Variants in MYL4 observed in about 807,000 individuals in gnomAD.
MYL4 encodes the protein myosin light chain 4.
A neutral mutation model predicts 21.6 loss-of-function variants in MYL4; 16 were observed. The observed-to-expected ratio is 0.74, with a 90% CI of 0.50 to 1.12. The LOEUF is 1.12. Ranked by LOEUF, MYL4 falls within the 50% of genes most tolerant of loss-of-function variation. The probability of loss-of-function intolerance (pLI) is 0.00; values close to 1 mark genes in which losing one functional copy is unlikely to be tolerated. For missense variants in MYL4, 249 were observed against 252.9 expected, an observed-to-expected ratio of 0.98 and a Z score of 0.11; for synonymous variants, 82 against 95.7, an observed-to-expected ratio of 0.86 and a Z score of 0.83.
upstream of MYL4, among the ~76,000 whole-genome samples, chr17:47,204,362 T>C (rs1308065054): frequency 6.6e-6 from 1 of 152,240 alleles, no homozygotes; most frequent in Non-Finnish European, 1.5e-5. Flanking sequence ...TCTTGATATT[T>C]TCTCTTTGTA....
chr17:47,193,502 A>C, the MYL4 span, among the ~76,000 whole-genome samples: 1 of 151,818 alleles, frequency 6.6e-6, no homozygotes, highest in Admixed American at 6.6e-5. Context: ...TCTTGACCTC[A>C]AGTGATCTGC....
chr17:47,202,014 C>T (rs1321441143), intron 1 of MYL4, among the ~76,000 whole-genome samples: 2 of 151,980 alleles, frequency 1.3e-5, no homozygotes, highest in Admixed American at 6.5e-5. Flanking sequence ...GAGATGGAGT[C>T]TCATTCTGTC....
intron 1 of MYL4, among the ~76,000 whole-genome samples, chr17:47,201,810 C>T (rs943106464): frequency 4.6e-5 from 7 of 152,112 alleles, no homozygotes; most frequent in African/African-American, 9.7e-5. Flanking sequence ...AAACCACACC[C>T]ACTCTAGGCA....
At chr17:47,212,833 G>C (rs562815829) in intron 1 of MYL4, among the ~76,000 whole-genome samples, 3 of 152,150 alleles carry the variant, frequency 2.0e-5, no homozygotes, top group African/African-American at 7.2e-5. Flanking sequence ...CTTAGTTTCA[G>C]CTTGGTGACA....
At chr17:47,219,601 C>T (rs920239187) in intron 2 of MYL4, among the ~76,000 whole-genome samples, 3 of 151,948 alleles carry the variant, frequency 2.0e-5, no homozygotes, top group African/African-American at 2.4e-5. Flanking sequence ...CTCTGCCTCC[C>T]GAGCTCAAGC....
At chr17:47,223,149 C>G in intron 6 of MYL4, 92 bp downstream of exon 6, 1 of 1,370,512 alleles carries the variant, frequency 7.3e-7, no homozygotes, top group Non-Finnish European at 1.0e-6. Context: ...TGTCCCAGCC[C>G]TGACCCCTTA....
At chr17:47,213,604 A>G (rs527777988) in intron 1 of MYL4, among the ~76,000 whole-genome samples, 195 bp from the exon 2 acceptor site, 10 of 152,200 alleles carry the variant, frequency 6.6e-5, no homozygotes, top group African/African-American at 1.2e-4. Context: ...GGTATTTTAT[A>G]GCCTGTCAGT....
chr17:47,214,266 A>T (rs2064798164), intron 2 of MYL4, among the ~76,000 whole-genome samples: 1 of 152,162 alleles, frequency 6.6e-6, no homozygotes, highest in South Asian at 2.1e-4. Context: ...TCTATCTAAG[A>T]TATTTGGAAG....
chr17:47,212,495 C>A (rs187965641), intron 1 of MYL4, among the ~76,000 whole-genome samples: 34 of 152,288 alleles, frequency 2.2e-4, no homozygotes, highest in Middle Eastern at 3.4e-3. Flanking sequence ...AGGGCCCATG[C>A]CAATTGCTCT....
chr17:47,205,392 C>T (rs2064723647), upstream of MYL4, among the ~76,000 whole-genome samples: 1 of 152,060 alleles, frequency 6.6e-6, no homozygotes, highest in Non-Finnish European at 1.5e-5. Context: ...TGTCATAGGC[C>T]CTGGGAAGGA....
At chr17:47,207,669 A>C (rs2064737303), upstream of MYL4, among the ~76,000 whole-genome samples, 1 of 152,154 alleles carries the variant, frequency 6.6e-6, no homozygotes, top group Non-Finnish European at 1.5e-5. Flanking sequence ...TTTCCTCTGA[A>C]CTGTAGAGTC....
At chr17:47,190,531 C>A in the MYL4 span, among the ~76,000 whole-genome samples, 1 of 152,156 alleles carries the variant, frequency 6.6e-6, no homozygotes, top group South Asian at 2.1e-4. Flanking sequence ...GGAAATTTCC[C>A]TTTGGGTGAT....
At chr17:47,219,521 T>A (rs1198325125) in intron 2 of MYL4, among the ~76,000 whole-genome samples, 1 of 152,052 alleles carries the variant, frequency 6.6e-6, no homozygotes, top group East Asian at 1.9e-4. Flanking sequence ...ATTTTTTTTT[T>A]GTTTCAAGAT....
intron 2 of MYL4, among the ~76,000 whole-genome samples, chr17:47,219,644 T>A (rs2064839802): frequency 6.6e-6 from 1 of 152,080 alleles, no homozygotes; most frequent in Admixed American, 6.6e-5. Context: ...AACACTGGAA[T>A]TTTATAACAA....
rs1371912264 is a variant in MYL4, at chr17:47,219,888, G to C, written c.164-16G>C. ...CACTGGGGATTGGAAGGTATAGCTG[G>C]GTCTTCTCTCCACAGAGTTCAAAGA... On this transcript the variant is annotated splice_polypyrimidine_tract_variant and intron_variant, in intron 2 of 6. Coordinates refer to ENST00000393450, the MANE Select transcript of MYL4 (RefSeq NM_002476.2). 2 of 1,614,194 alleles carry C rather than the reference G, an allele frequency of 1.2e-6. No homozygotes were observed. Among genetic ancestry groups the C allele is most frequent in the Non-Finnish European group, 1.7e-6 (2 of 1,180,024 alleles).
At chr17:47,195,476 G>A (rs916419223), upstream of MYL4, among the ~76,000 whole-genome samples, 1 of 152,058 alleles carries the variant, frequency 6.6e-6, no homozygotes, top group African/African-American at 2.4e-5. Context: ...TGATCTGCCC[G>A]CCTTGGCCTC....
intron 3 of MYL4, 98 bp from the exon 4 acceptor site, chr17:47,221,584 G>A: frequency 7.2e-7 from 1 of 1,387,492 alleles, no homozygotes; most frequent in Non-Finnish European, 9.8e-7. Flanking sequence ...CCAAGCCCTG[G>A]GTGCTGTCAG....
At chr17:47,191,483 T>A in the MYL4 span, among the ~76,000 whole-genome samples, 1 of 152,234 alleles carries the variant, frequency 6.6e-6, no homozygotes. Flanking sequence ...ACATTTTTTT[T>A]TTCCGAGACT....
At chr17:47,192,225 A>T in the MYL4 span, among the ~76,000 whole-genome samples, 1 of 151,768 alleles carries the variant, frequency 6.6e-6, no homozygotes. Context: ...GTGGTGGCAC[A>T]TGCCTGTAAT....
Sources: allele counts gnomAD v4.1 joint callset (sites outside exome capture counted in the v4.1 genomes callset), GRCh38; gene constraint gnomAD v4.1.1; transcripts MANE v1.5; gene names NCBI Gene and HGNC (gene_info 2026-07-23, HGNC 2026-07-21).